Variants in FAM50A observed in about 807,000 individuals in gnomAD.
FAM50A encodes family with sequence similarity 50 member A.
In FAM50A, 6 loss-of-function variants were observed where a neutral mutation model predicts 35.5. That is an observed-to-expected ratio of 0.17 (90% CI 0.09 to 0.33). FAM50A has a LOEUF of 0.33. Ranked by LOEUF, FAM50A falls within the 10% of genes least tolerant of loss-of-function variation. The probability of loss-of-function intolerance (pLI) is 1.00; values close to 1 mark genes in which losing one functional copy is unlikely to be tolerated. For missense variants in FAM50A, 145 were observed against 295.5 expected, an observed-to-expected ratio of 0.49 and a Z score of 3.73; for synonymous variants, 120 against 110.9, an observed-to-expected ratio of 1.08 and a Z score of -0.52.
chrX:154,445,697 A>G lies in FAM50A; in HGVS notation c.176A>G (p.Glu59Gly). ...FSAHYDAVEA[E>G]LKSSTVGLVT... is the part of the protein sequence containing the mutation. ...GCGCACTACGACGCGGTGGAGGCAG[A>G]GCTCAAGTCCAGCACCGTGGGTGAG... is the stretch of plus-strand genomic sequence containing the variant. Residue 59 changes from glutamate (E) to glycine (G), a missense_variant, in exon 2 of 13, where the codon GAG (glutamate) becomes GGG (glycine). Physicochemically the swap from Glu to Gly is moderately conservative, Grantham distance 98 (BLOSUM62 -2). Around this residue, in one of 5 missense-constraint regions of FAM50A, gnomAD observed 31 missense variants for 75.2 expected, o/e 0.41. Coordinates refer to ENST00000393600, the MANE Select transcript of FAM50A (RefSeq NM_004699.4). 8.3e-7 allele frequency: 1 copy of G among 1,209,434 alleles called. No individual in the cohort carries two copies. The highest frequency in any genetic ancestry group is 2.2e-5 in the Admixed American group (1 of 46,124).
chrX:154,450,552 C>A lies in FAM50A; in HGVS notation c.*120C>A. 1.4e-6 allele frequency: 1 copy of A among 709,569 alleles called. No individual in the cohort carries two copies. The highest frequency in any genetic ancestry group is 2.1e-6 in the Non-Finnish European group (1 of 470,961). 58.5% of individuals were successfully genotyped at this position (709,569 alleles called of 1,213,427 possible). A position where few individuals can be genotyped will look rare whatever the true frequency, so the allele number is the denominator to read the frequency against. On this transcript the variant is annotated 3_prime_UTR_variant, in exon 13 of 13. Transcript: ENST00000393600. ...GCCAGGCACGCTGGGAGGAGGACGGCAGCTGCTCGTGTCCTGCCCCTGCCA... is the reference window on the plus strand; with the variant it reads ...GCCAGGCACGCTGGGAGGAGGACGGAAGCTGCTCGTGTCCTGCCCCTGCCA...
intron 1 of FAM50A, chrX:154,444,896 CA>C (rs2068776099): frequency 1.8e-5 from 2 of 112,539 alleles, no homozygotes; most frequent in African/African-American, 6.5e-5. Context: ...GCCAGCGGTT[CA>C]CCCACTGCTT....
intron 3 of FAM50A, 44 bp downstream of exon 3, chrX:154,445,955 C>T (rs782597125): frequency 2.6e-5 from 28 of 1,068,501 alleles, no homozygotes; most frequent in Non-Finnish European, 3.4e-5. Flanking sequence ...CTAGTGCTTA[C>T]GGGGTCCCGT....
intron 4 of FAM50A, among the ~76,000 whole-genome samples, chrX:154,446,823 A>G (rs762513): frequency 0.076 from 8,509 of 112,119 alleles, 789 homozygotes; most frequent in African/African-American, 0.26. Context: ...TGACTGGGGC[A>G]CTAAATGGTG....
In FAM50A at chrX:154,450,536, G is replaced by T; in HGVS notation, c.*104G>T. On this transcript the variant is annotated 3_prime_UTR_variant, in exon 13 of 13. Transcript: ENST00000393600. ...GCTCCCCTGCGACCATGCCAGGCACGCTGGGAGGAGGACGGCAGCTGCTCG... is the reference window on the plus strand; with the variant it reads ...GCTCCCCTGCGACCATGCCAGGCACTCTGGGAGGAGGACGGCAGCTGCTCG... 2 of 850,460 alleles carry T rather than the reference G, an allele frequency of 2.4e-6. No individual in the cohort carries two copies. The highest frequency in any genetic ancestry group is 3.4e-6 in the Non-Finnish European group (2 of 589,677). The allele number at this position is 850,460 out of a possible 1,213,427, so 70.1% of individuals were successfully genotyped here. A position where few individuals can be genotyped will look rare whatever the true frequency, so the allele number is the denominator to read the frequency against.
At chrX:154,448,076 T>C (rs1251461288) in intron 4 of FAM50A, among the ~76,000 whole-genome samples, 1 of 99,037 alleles carries the variant, frequency 1.0e-5, no homozygotes, top group Non-Finnish European at 2.0e-5. Context: ...TTCTTTCTTT[T>C]TTTTTTTTTT....
At chrX:154,447,216 A>T (rs2068785934) in intron 4 of FAM50A, among the ~76,000 whole-genome samples, 1 of 112,631 alleles carries the variant, frequency 8.9e-6, no homozygotes. Flanking sequence ...ACGAGAAAGT[A>T]CATGCCAGAA....
Position 154,449,678 on chromosome X carries a change from C to T in FAM50A, c.726-3C>T. ...CCCACGCCCTCCTGCCTTCCTCCCT[C>T]AGGTCCGCAGGGGTGGAGCAGCTCA... On this transcript the variant is annotated splice_polypyrimidine_tract_variant and splice_region_variant and intron_variant, in intron 8 of 12. Coordinates refer to ENST00000393600, the MANE Select transcript of FAM50A (RefSeq NM_004699.4). 8.3e-7 allele frequency: 1 copy of T among 1,209,042 alleles called. No homozygotes were observed. Among genetic ancestry groups the T allele is most frequent in the Non-Finnish European group, 1.1e-6 (1 of 893,131 alleles).
In FAM50A at chrX:154,445,611, T is replaced by C. The variant is rs782702509; in HGVS notation, c.112-22T>C. 9 of 1,169,901 alleles carry C rather than the reference T, an allele frequency of 7.7e-6. No individual in the cohort carries two copies. In the Admixed American group the frequency reaches 1.5e-4, roughly 20 times the overall value. On this transcript the variant is annotated intron_variant, in intron 1 of 12. Transcript: ENST00000393600. ...TTTCCACAGTGAGGGGTGGTTCTCA[T>C]GGTGGCTGTCACTCCCCGCAGGAGA...
chrX:154,449,641 G>A, intron 8 of FAM50A, 40 bp from the exon 9 acceptor site: 1 of 1,159,301 alleles, frequency 8.6e-7, no homozygotes, highest in Non-Finnish European at 1.2e-6. Flanking sequence ...GGGCAGGGGT[G>A]CTGTCCTCTT....
intron 11 of FAM50A, 47 bp downstream of exon 11, chrX:154,450,146 A>G (rs1557200384): frequency 8.4e-7 from 1 of 1,194,926 alleles, no homozygotes; most frequent in Admixed American, 2.2e-5. Flanking sequence ...TCCCTGGGCT[A>G]TGGAGGAGAA....
At chrX:154,444,574 G>A (rs2068774382) in intron 1 of FAM50A, 1 of 200,746 alleles carries the variant, frequency 5.0e-6, no homozygotes, top group Non-Finnish European at 9.2e-6. Context: ...GAGGCCACTA[G>A]CTGATGACCG....
Position 154,446,398 on chromosome X carries a change from C to A in FAM50A, c.297-17C>A. Reference sequence around the variant, plus strand: ...GGAAGGACATGATGTGTGATGGGGCCACCTGCACCTCACTAGGAAGCTGGA... The same window carrying A: ...GGAAGGACATGATGTGTGATGGGGCAACCTGCACCTCACTAGGAAGCTGGA... On this transcript the variant is annotated splice_polypyrimidine_tract_variant and intron_variant, in intron 3 of 12. Coordinates refer to ENST00000393600, the MANE Select transcript of FAM50A (RefSeq NM_004699.4). The A allele has an allele frequency of 8.3e-7, 1 of 1,205,699 alleles. No individual in the cohort carries two copies. Among genetic ancestry groups the A allele is most frequent in the Non-Finnish European group, 1.1e-6 (1 of 890,035 alleles).
At chrX:154,445,979 C>G (rs2068780978) in intron 3 of FAM50A, 68 bp downstream of exon 3, 1 of 843,166 alleles carries the variant, frequency 1.2e-6, no homozygotes, top group Non-Finnish European at 1.7e-6. Context: ...TGGTCGGGCT[C>G]TTTTTGCACC....
At chrX:154,448,645 C>G (rs2068791694) in intron 5 of FAM50A, 45 bp from the exon 6 acceptor site, 1 of 1,191,799 alleles carries the variant, frequency 8.4e-7, no homozygotes, top group East Asian at 3.0e-5. Context: ...TGCGTGCACC[C>G]TGAGCAGCCC....
intron 10 of FAM50A, 26 bp from the exon 11 acceptor site, chrX:154,450,003 A>G: frequency 8.3e-7 from 1 of 1,210,011 alleles, no homozygotes; most frequent in Middle Eastern, 2.3e-4. Flanking sequence ...GCAGCGGGAC[A>G]TTGGGCTGTC....
intron 4 of FAM50A, among the ~76,000 whole-genome samples, chrX:154,448,067 T>C (rs190074080): frequency 0.063 from 6,059 of 95,793 alleles, 610 homozygotes; most frequent in African/African-American, 0.29. Context: ...TTCTTTTTTT[T>C]CTTTCTTTTT....
At chrX:154,446,050 T>TTC in intron 3 of FAM50A, 139 bp downstream of exon 3, 1 of 477,293 alleles carries the variant, frequency 2.1e-6, no homozygotes, top group Non-Finnish European at 3.7e-6. Flanking sequence ...CGATTTGCAT[T>TTC]TCTCTCTCCC....
intron 8 of FAM50A, 126 bp from the exon 9 acceptor site, chrX:154,449,555 T>C: frequency 1.7e-6 from 1 of 591,480 alleles, no homozygotes; most frequent in East Asian, 3.5e-5. Flanking sequence ...ACCATGGAGC[T>C]TCCCTCACAG....
Sources: gnomAD v4.1 joint callset for allele counts (sites outside exome capture counted in the v4.1 genomes callset) on GRCh38, gnomAD v4.1.1 for gene constraint, gnomAD v4.1.1 regional missense constraint, MANE v1.5 for transcripts, NCBI Gene and HGNC (gene_info 2026-07-23, HGNC 2026-07-21) for gene names.